The following ARHGAP44 variants were observed in gnomAD, a reference collection of about 807,000 sequenced individuals.
ARHGAP44 encodes Rho GTPase activating protein 44, also known as rho GTPase-activating protein 44.
In ARHGAP44, 43 loss-of-function variants were observed where a neutral mutation model predicts 106.8. The observed-to-expected ratio is 0.40, with a 90% CI of 0.32 to 0.52. The LOEUF is 0.52. Among genes scored for constraint, ARHGAP44 ranks in the 20% least tolerant of loss-of-function variants. The pLI is 0.48. For missense variants in ARHGAP44, 866 were observed against 1,050.5 expected, an observed-to-expected ratio of 0.82 and a Z score of 2.43; for synonymous variants, 439 against 410.3, an observed-to-expected ratio of 1.07 and a Z score of -0.85.
intron 1 of ARHGAP44, among the ~76,000 whole-genome samples, chr17:12,851,387 G>A (rs532038542): frequency 6.6e-6 from 1 of 152,266 alleles, no homozygotes; most frequent in Non-Finnish European, 1.5e-5. Flanking sequence ...AGCTGTGCTT[G>A]CCGTCGAGGA....
chr17:12,962,274 G>A (rs888131041), intron 16 of ARHGAP44, among the ~76,000 whole-genome samples: 5 of 152,016 alleles, frequency 3.3e-5, no homozygotes, highest in African/African-American at 1.2e-4. Context: ...CGCGACTCTG[G>A]GCTTTGGTCC....
At chr17:12,959,036 G>C (rs1266580187) in intron 16 of ARHGAP44, 139 bp downstream of exon 16, 2 of 1,052,362 alleles carry the variant, frequency 1.9e-6, no homozygotes, top group Middle Eastern at 2.1e-4. Context: ...CAATTAAACT[G>C]TATCTGCTGT....
chr17:12,980,082 T>A lies in ARHGAP44; in HGVS notation c.1788T>A (p.Ser596=). Residue 596 remains serine (S), a synonymous_variant, in exon 19 of 21, where the codon TCT becomes TCA. Coordinates refer to ENST00000379672, the MANE Select transcript of ARHGAP44 (RefSeq NM_014859.6). ...RTSTTKSKEL[S]PGSAQKGSPG... ...GCACAACAAAAAGCAAGGAACTTTC[T>A]CCAGGCTCTGCACAGAAAGGAAGTC... is the stretch of plus-strand genomic sequence containing the variant. 1 of 1,610,060 alleles carries A rather than the reference T, an allele frequency of 6.2e-7. No individual in the cohort carries two copies. Among genetic ancestry groups the A allele is most frequent in the South Asian group, 1.1e-5 (1 of 90,930 alleles).
chr17:12,891,766 AT>A (rs2037051544), intron 1 of ARHGAP44, among the ~76,000 whole-genome samples: 1 of 148,230 alleles, frequency 6.7e-6, no homozygotes, highest in Non-Finnish European at 1.5e-5. Flanking sequence ...CATCCTTGGT[AT>A]TTCAAGTTTC....
intron 9 of ARHGAP44, 124 bp downstream of exon 9, chr17:12,943,793 C>G: frequency 1.8e-6 from 2 of 1,092,434 alleles, no homozygotes. Flanking sequence ...TGTAGATGAG[C>G]CTTTTGGACT....
chr17:12,944,248 A>T, intron 10 of ARHGAP44, 52 bp downstream of exon 10: 2 of 1,537,452 alleles, frequency 1.3e-6, no homozygotes, highest in Non-Finnish European at 1.8e-6. Context: ...CTCTTCCACG[A>T]GACAGAGCTT....
chr17:12,866,077 G>A (rs1240033145), intron 1 of ARHGAP44, among the ~76,000 whole-genome samples: 2 of 152,144 alleles, frequency 1.3e-5, no homozygotes, highest in Admixed American at 1.3e-4. Flanking sequence ...CACTGGAAAA[G>A]TAAACATGTT....
rs531210190 is a variant in ARHGAP44 at position 12,984,579 on chromosome 17, C to T, written c.1988C>T (p.Pro663Leu). The change falls in exon 20 of 21, where the codon CCG (proline) becomes CTG (leucine). Residue 663 changes from proline to leucine, a missense_variant. Physicochemically the swap from Pro to Leu is moderately conservative, Grantham distance 98. Transcript: ENST00000379672. ...CCACCCAAGGTCCCCTTTGGCCAGC[C>T]GGGGGCTATGGCAGACCAGTCCGCT... The part of the protein sequence containing the change: ...PIPPKVPFGQ[P>L]GAMADQSAGQ... 1.6e-5 allele frequency: 26 copies of T among 1,576,780 alleles called. No homozygotes were observed. Among genetic ancestry groups the T allele is most frequent in the South Asian group, 5.8e-5 (5 of 85,784 alleles).
At chr17:12,933,649 A>G (rs539113659) in intron 7 of ARHGAP44, among the ~76,000 whole-genome samples, 2 of 152,340 alleles carry the variant, frequency 1.3e-5, no homozygotes, top group South Asian at 2.1e-4. Flanking sequence ...GAGGAGAGAA[A>G]GTGAAGAAGG....
At chr17:12,868,589 TTTTATATATATATATATATATATATA>T (rs1354122940) in intron 1 of ARHGAP44, among the ~76,000 whole-genome samples, 2 of 104,932 alleles carry the variant, frequency 1.9e-5, no homozygotes, top group Non-Finnish European at 3.9e-5. Context: ...TATATATGCA[TTTTATATATATATATATATATATATA>T]TATATATATA....
At chr17:12,823,336 T>G (rs1243627977) in intron 1 of ARHGAP44, among the ~76,000 whole-genome samples, 1 of 152,164 alleles carries the variant, frequency 6.6e-6, no homozygotes, top group Non-Finnish European at 1.5e-5. Flanking sequence ...TCAGATCAGC[T>G]TGTTCTTCAT....
intron 17 of ARHGAP44, 135 bp from the exon 18 acceptor site, chr17:12,973,954 C>G (rs2039596895): frequency 1.1e-6 from 1 of 951,260 alleles, no homozygotes; most frequent in Non-Finnish European, 1.6e-6. Flanking sequence ...CCCAATGCAT[C>G]GCTTCCCGGG....
At chr17:12,915,447 T>TC (rs773811898) in intron 4 of ARHGAP44, among the ~76,000 whole-genome samples, 58 of 152,368 alleles carry the variant, frequency 3.8e-4, no homozygotes, top group Non-Finnish European at 7.5e-4. Flanking sequence ...GGATTTTTTT[T>TC]CATTGGATAA....
chr17:12,820,420 G>A (rs749524484), intron 1 of ARHGAP44, among the ~76,000 whole-genome samples: 3 of 152,120 alleles, frequency 2.0e-5, no homozygotes, highest in Non-Finnish European at 2.9e-5. Context: ...AAAATTACCA[G>A]TTATGATAGG....
chr17:12,952,765 A>C, intron 13 of ARHGAP44, among the ~76,000 whole-genome samples, 184 bp downstream of exon 13: 2 of 119,736 alleles, frequency 1.7e-5, no homozygotes, highest in Admixed American at 1.1e-4. Context: ...ACAGAGTCTC[A>C]CTGTGTCGCC....
intron 2 of ARHGAP44, among the ~76,000 whole-genome samples, chr17:12,895,204 G>A (rs2037167713): frequency 9.2e-6 from 1 of 108,142 alleles, no homozygotes; most frequent in South Asian, 2.7e-4. Flanking sequence ...CCCTCGATGT[G>A]GTTAAAACTG....
At chr17:12,948,802 C>T (rs544590068) in intron 10 of ARHGAP44, among the ~76,000 whole-genome samples, 2 of 147,648 alleles carry the variant, frequency 1.4e-5, no homozygotes, top group East Asian at 4.1e-4. Context: ...AGGTCTTAGT[C>T]GAATTCTTCT....
At chr17:12,917,162 A>C (rs2037942916) in intron 5 of ARHGAP44, 1 of 154,344 alleles carries the variant, frequency 6.5e-6, no homozygotes, top group African/African-American at 2.4e-5. Flanking sequence ...AGGGTTCTCC[A>C]GAGAGAGAGA....
rs371880678 is a variant in ARHGAP44 at position 12,823,535 on chromosome 17, C to T, written c.53+33644C>T. Among the ~76,000 whole-genome samples, 24 of 152,254 alleles carry T rather than the reference C, an allele frequency of 1.6e-4. No homozygotes were observed. The East Asian group carries it at 4.4e-3, about 28-fold the overall frequency. ...CTATTACCATCTCTCTCCTCTGCCC[C>T]ACCTGTTCTAATAGAGAAGCTATTC... On this transcript the variant is annotated intron_variant, in intron 1 of 20. Transcript: ENST00000379672.
Sources: allele counts gnomAD v4.1 joint callset (sites outside exome capture counted in the v4.1 genomes callset), GRCh38; gene constraint gnomAD v4.1.1; transcripts MANE v1.5; gene names NCBI Gene and HGNC (gene_info 2026-07-23, HGNC 2026-07-21).